The following LARGE1 variants were observed in gnomAD, a reference collection of about 807,000 sequenced individuals.
The protein encoded by LARGE1 is xylosyl- and glucuronyltransferase LARGE1.
Under a neutral mutation model 87.6 loss-of-function variants are expected in LARGE1, and 43 were observed. That is an observed-to-expected ratio of 0.49 (90% CI 0.38 to 0.63). LARGE1 has a LOEUF of 0.63. LARGE1 is among the 30% of genes least tolerant of loss of function. The pLI, the probability that LARGE1 is intolerant of heterozygous loss-of-function variation, is 0.00. For missense variants in LARGE1, 802 were observed against 1,000.2 expected (o/e 0.80, Z 2.67); for synonymous variants, 434 against 394.6 (o/e 1.10, Z -1.18).
chr22:33,855,809 A>G (rs890730548), intron 1 of LARGE1, among the ~76,000 whole-genome samples: 2 of 152,228 alleles, frequency 1.3e-5, no homozygotes, highest in African/African-American at 4.8e-5. Flanking sequence ...AAAAATTAAT[A>G]AAGCCCATAC....
chr22:33,287,356 T>G (rs1931736839), intron 12 of LARGE1, among the ~76,000 whole-genome samples: 1 of 152,222 alleles, frequency 6.6e-6, no homozygotes, highest in South Asian at 2.1e-4. Flanking sequence ...TATTTCCCTC[T>G]GCATAGATAG....
chr22:33,908,190 T>G (rs1215462504), intron 1 of LARGE1, among the ~76,000 whole-genome samples: 1 of 152,162 alleles, frequency 6.6e-6, no homozygotes, highest in Non-Finnish European at 1.5e-5. Context: ...AACCATTTAT[T>G]GTATTGACTG....
chr22:33,591,133 G>A (rs1306530868), intron 5 of LARGE1, among the ~76,000 whole-genome samples: 14 of 152,224 alleles, frequency 9.2e-5, no homozygotes, highest in South Asian at 4.1e-4. Context: ...CCCGCGAGGC[G>A]GAGGTTGCAG....
At chr22:33,607,890 T>G (rs886193369) in intron 4 of LARGE1, among the ~76,000 whole-genome samples, 2 of 152,194 alleles carry the variant, frequency 1.3e-5, no homozygotes, top group Non-Finnish European at 2.9e-5. Context: ...TCCCATAAAA[T>G]TATCTATGCT....
At chr22:33,494,446 C>A (rs773207767) in intron 6 of LARGE1, among the ~76,000 whole-genome samples, 2 of 152,190 alleles carry the variant, frequency 1.3e-5, no homozygotes, top group African/African-American at 4.8e-5. Flanking sequence ...GTGCTCAGTA[C>A]GGTGTTTAAC....
At chr22:33,761,836 T>C (rs1326780809) in intron 1 of LARGE1, among the ~76,000 whole-genome samples, 2 of 152,084 alleles carry the variant, frequency 1.3e-5, no homozygotes, top group African/African-American at 2.4e-5. Context: ...ATAGGTTAAC[T>C]TCGAGACCTG....
At chr22:33,338,090 CA>C (rs759044571) in intron 9 of LARGE1, among the ~76,000 whole-genome samples, 1 of 152,134 alleles carries the variant, frequency 6.6e-6, no homozygotes, top group African/African-American at 2.4e-5. Flanking sequence ...CCAGTTATTA[CA>C]TTGTCATCTC....
chr22:33,841,898 A>G (rs1264458886), intron 1 of LARGE1, among the ~76,000 whole-genome samples: 1 of 152,230 alleles, frequency 6.6e-6, no homozygotes, highest in Non-Finnish European at 1.5e-5. Flanking sequence ...CCTGGGACCG[A>G]GTACTCCAAA....
At chr22:33,716,819 T>C (rs1262030554) in intron 2 of LARGE1, among the ~76,000 whole-genome samples, 1 of 152,218 alleles carries the variant, frequency 6.6e-6, no homozygotes, top group African/African-American at 2.4e-5. Context: ...TAAATTTTAC[T>C]GTTGGCTCAT....
In LARGE1 at chr22:33,650,658, G is replaced by T. The variant is rs140622529; in HGVS notation, c.117C>A (p.Pro39=). Reference sequence around the variant, plus strand: ...GGGACTCCAGCGGTGACAGAGACACGGGCTTTCCATCTGGGGAGCGAAACA... The same window carrying T: ...GGGACTCCAGCGGTGACAGAGACACTGGCTTTCCATCTGGGGAGCGAAACA... ...LFSGSFEDGK[P]VSLSPLESQA... The change falls in exon 3 of 15, where the codon CCC becomes CCA. Residue 39 remains proline (P), a synonymous_variant. Coordinates refer to ENST00000397394, the MANE Select transcript of LARGE1 (RefSeq NM_133642.5). 1 of 1,600,726 alleles carries T rather than the reference G, an allele frequency of 6.2e-7. No individual in the cohort carries two copies. The highest frequency in any genetic ancestry group is 8.5e-7 in the Non-Finnish European group (1 of 1,179,954).
chr22:33,862,575 G>A (rs1481430973), intron 1 of LARGE1, among the ~76,000 whole-genome samples: 1 of 152,266 alleles, frequency 6.6e-6, no homozygotes, highest in Non-Finnish European at 1.5e-5. Context: ...CGCCAGGGCC[G>A]AATCACCAGG....
upstream of LARGE1, among the ~76,000 whole-genome samples, chr22:33,922,160 C>T (rs2065965327): frequency 6.6e-6 from 1 of 151,804 alleles, no homozygotes; most frequent in African/African-American, 2.4e-5. Context: ...CAGCGGGAAG[C>T]CCACCCTAGT....
At chr22:33,832,966 T>G (rs971466636) in intron 1 of LARGE1, among the ~76,000 whole-genome samples, 3 of 152,160 alleles carry the variant, frequency 2.0e-5, no homozygotes, top group Admixed American at 2.0e-4. Flanking sequence ...TGCCCTCAGG[T>G]GGGTAAACAC....
chr22:33,659,512 A>G (rs2081060695), intron 2 of LARGE1, among the ~76,000 whole-genome samples: 2 of 152,174 alleles, frequency 1.3e-5, no homozygotes, highest in Non-Finnish European at 2.9e-5. Context: ...ACACAGGTCC[A>G]GGCTGAGCCA....
At chr22:33,496,255 T>C (rs2070112839) in intron 6 of LARGE1, among the ~76,000 whole-genome samples, 1 of 152,182 alleles carries the variant, frequency 6.6e-6, no homozygotes, top group South Asian at 2.1e-4. Flanking sequence ...TGGGTCTGTC[T>C]TTCCTAGTCC....
chr22:33,746,130 T>C (rs940870630), intron 2 of LARGE1, among the ~76,000 whole-genome samples: 5 of 152,180 alleles, frequency 3.3e-5, no homozygotes, highest in Non-Finnish European at 7.3e-5. Context: ...TAGTCCCAGC[T>C]ACTCGGGAGG....
At chr22:33,174,253 A>G (rs1360662776) in intron 11 of LARGE1, among the ~76,000 whole-genome samples, 1 of 152,210 alleles carries the variant, frequency 6.6e-6, no homozygotes, top group Admixed American at 6.5e-5. Context: ...TGGGTAAATA[A>G]TGAAATAAAG....
chr22:33,489,373 G>GC (rs1275339096), intron 6 of LARGE1, among the ~76,000 whole-genome samples: 2 of 152,124 alleles, frequency 1.3e-5, no homozygotes, highest in African/African-American at 4.8e-5. Context: ...TTCACTATGC[G>GC]CAGGGCAGTG....
At chr22:33,264,645 T>C (rs1927824636) in intron 11 of LARGE1, among the ~76,000 whole-genome samples, 1 of 152,100 alleles carries the variant, frequency 6.6e-6, no homozygotes, top group Non-Finnish European at 1.5e-5. Context: ...AGCGACAGAG[T>C]GAGACTTCAT....
Sources: allele counts gnomAD v4.1 joint callset (sites outside exome capture counted in the v4.1 genomes callset), GRCh38; gene constraint gnomAD v4.1.1; transcripts MANE v1.5; gene names NCBI Gene and HGNC (gene_info 2026-07-23, HGNC 2026-07-21).